The following SHROOM3 variants were observed in gnomAD, a reference collection of about 807,000 sequenced individuals.
SHROOM3 encodes the protein protein Shroom3.
Under a neutral mutation model 138.6 loss-of-function variants are expected in SHROOM3, and 47 were observed. That is an observed-to-expected ratio of 0.34 (90% CI 0.27 to 0.43). The LOEUF (loss-of-function observed/expected upper bound fraction) is 0.43. Among genes scored for constraint, SHROOM3 ranks in the 20% least tolerant of loss-of-function variants. The pLI is 1.00. For missense variants in SHROOM3, 2,491 were observed against 2,596.5 expected (o/e 0.96, Z 0.88); for synonymous variants, 1,062 against 1,063.3 (o/e 1.00, Z 0.02).
chr4:76,443,279 A>G (rs1179013646), intron 1 of SHROOM3, among the ~76,000 whole-genome samples: 1 of 152,238 alleles, frequency 6.6e-6, no homozygotes, highest in Admixed American at 6.5e-5. Context: ...TCTTAGCATC[A>G]GTAAGAACTC....
At chr4:76,622,470 G>C (rs1360933330) in intron 2 of SHROOM3, among the ~76,000 whole-genome samples, 1 of 151,998 alleles carries the variant, frequency 6.6e-6, no homozygotes, top group African/African-American at 2.4e-5. Context: ...TGGTTCTTAT[G>C]TTGTAAATAT....
chr4:76,514,790 A>C (rs1732411564), intron 1 of SHROOM3, among the ~76,000 whole-genome samples: 1 of 152,204 alleles, frequency 6.6e-6, no homozygotes, highest in Non-Finnish European at 1.5e-5. Context: ...CAAGACAACG[A>C]GGAAAGATGG....
At chr4:76,471,433 G>A (rs1731370283) in intron 1 of SHROOM3, among the ~76,000 whole-genome samples, 1 of 151,998 alleles carries the variant, frequency 6.6e-6, no homozygotes, top group Non-Finnish European at 1.5e-5. Flanking sequence ...TAGTAGAGAT[G>A]GGTTTTCACC....
chr4:76,567,604 C>A (rs894808809), intron 2 of SHROOM3, among the ~76,000 whole-genome samples: 1 of 152,060 alleles, frequency 6.6e-6, no homozygotes, highest in Non-Finnish European at 1.5e-5. Context: ...GAGCTGAGAT[C>A]GTGCCACTGC....
Position 76,639,201 on chromosome 4 carries a change from A to G in SHROOM3, c.324-70955A>G, listed in dbSNP as rs547229437. 8.5e-5 allele frequency among the ~76,000 whole-genome samples: 13 copies of G among 152,306 alleles called. No homozygotes were observed. In the South Asian group the frequency reaches 2.3e-3, roughly 27 times the overall value. On this transcript the variant is annotated intron_variant, in intron 2 of 10. Transcript: ENST00000296043. ...AACCCCAATGGAACAATCCACAGCC[A>G]CTTACTGAGTACCTAATAAACCCAT...
intron 2 of SHROOM3, among the ~76,000 whole-genome samples, chr4:76,709,031 G>C (rs1312498576): frequency 6.6e-6 from 1 of 152,214 alleles, no homozygotes. Context: ...GAAACTCCCT[G>C]TTGGCCTCCT....
intron 2 of SHROOM3, among the ~76,000 whole-genome samples, chr4:76,588,341 T>A (rs1482217063): frequency 6.6e-6 from 1 of 152,216 alleles, no homozygotes; most frequent in Non-Finnish European, 1.5e-5. Context: ...TTAAGTTTAT[T>A]GTTTCCCGAG....
chr4:76,616,670 T>C (rs1734888262), intron 2 of SHROOM3, among the ~76,000 whole-genome samples: 1 of 152,166 alleles, frequency 6.6e-6, no homozygotes, highest in Admixed American at 6.5e-5. Flanking sequence ...TGTCGGGGAC[T>C]GGGTAAGTGG....
intron 1 of SHROOM3, among the ~76,000 whole-genome samples, chr4:76,547,398 GTGT>G (rs1733244706): frequency 1.3e-5 from 2 of 152,210 alleles, no homozygotes; most frequent in South Asian, 4.1e-4. Context: ...TAACCTTATT[GTGT>G]TGTTGTGACA....
At chr4:76,497,187 C>T (rs1381918575) in intron 1 of SHROOM3, among the ~76,000 whole-genome samples, 5 of 152,220 alleles carry the variant, frequency 3.3e-5, no homozygotes, top group South Asian at 2.1e-4. Context: ...TGTATGATTT[C>T]TGATTTCACA....
rs771453964 is a variant in SHROOM3, at chr4:76,738,778, T to C, written c.605T>C (p.Leu202Pro). ...TCTTCCAGCTCCTCTACTAGTGACC[T>C]CTCCAACTATGACCATGCTTATCTA... ...SYHSSSSTSD[L>P]SNYDHAYLRR... The change falls in exon 5 of 11, where the codon CTC becomes CCC. Residue 202 changes from leucine to proline, a missense_variant. Transcript: ENST00000296043. 1.2e-5 allele frequency: 19 copies of C among 1,614,058 alleles called. No individual in the cohort carries two copies. The highest frequency in any genetic ancestry group is 1.5e-5 in the Non-Finnish European group (18 of 1,180,036).
chr4:76,722,782 A>T (rs1411677202), intron 3 of SHROOM3, among the ~76,000 whole-genome samples: 1 of 152,036 alleles, frequency 6.6e-6, no homozygotes, highest in African/African-American at 2.4e-5. Flanking sequence ...GAATATATTG[A>T]TGTATTTTGT....
At chr4:76,546,678 C>G (rs913221560) in intron 1 of SHROOM3, among the ~76,000 whole-genome samples, 1 of 152,178 alleles carries the variant, frequency 6.6e-6, no homozygotes, top group African/African-American at 2.4e-5. Flanking sequence ...ACCTTTTTAT[C>G]TCTACATTTT....
At chr4:76,498,116 TCCC>T (rs1203338999) in intron 1 of SHROOM3, among the ~76,000 whole-genome samples, 1 of 152,202 alleles carries the variant, frequency 6.6e-6, no homozygotes, top group Non-Finnish European at 1.5e-5. Context: ...AAGTTGTATT[TCCC>T]TGGATTGTGA....
intron 1 of SHROOM3, among the ~76,000 whole-genome samples, chr4:76,503,167 C>CCACACACACACACACACA (rs111393161): frequency 0.031 from 4,541 of 145,868 alleles, 94 homozygotes; most frequent in South Asian, 0.059. Context: ...TTGTCAACTT[C>CCACACACACACACACACA]CACACACACA....
At chr4:76,517,930 A>G (rs1369406412) in intron 1 of SHROOM3, among the ~76,000 whole-genome samples, 1 of 152,254 alleles carries the variant, frequency 6.6e-6, no homozygotes, top group Non-Finnish European at 1.5e-5. Context: ...CAAGGGCTGC[A>G]TATAGAAGAG....
chr4:76,569,989 G>A (rs1001233175), intron 2 of SHROOM3, among the ~76,000 whole-genome samples: 4 of 152,048 alleles, frequency 2.6e-5, no homozygotes, highest in African/African-American at 9.7e-5. Context: ...GCAACTCCGT[G>A]GTTATTCTTC....
chr4:76,726,019 T>A (rs1255453808), intron 3 of SHROOM3, among the ~76,000 whole-genome samples: 1 of 152,190 alleles, frequency 6.6e-6, no homozygotes, highest in Non-Finnish European at 1.5e-5. Flanking sequence ...TTTGAAGGAA[T>A]CATCTGCCCA....
chr4:76,620,380 AC>A (rs1207642815), intron 2 of SHROOM3, among the ~76,000 whole-genome samples: 1 of 152,218 alleles, frequency 6.6e-6, no homozygotes, highest in Admixed American at 6.5e-5. Flanking sequence ...ATAGAGGGTG[AC>A]CATTAAAGAT....
Sources: allele counts gnomAD v4.1 joint callset (sites outside exome capture counted in the v4.1 genomes callset), GRCh38; gene constraint gnomAD v4.1.1; transcripts MANE v1.5; gene names NCBI Gene and HGNC (gene_info 2026-07-23, HGNC 2026-07-21).